The following GRXCR2 variants were observed in gnomAD, a reference collection of about 807,000 sequenced individuals.
GRXCR2 encodes the protein glutaredoxin and cysteine rich domain containing 2.
In GRXCR2, 23 loss-of-function variants were observed where a neutral mutation model predicts 24.8. The observed-to-expected ratio is 0.93, with a 90% CI of 0.67 to 1.32. The LOEUF (loss-of-function observed/expected upper bound fraction) is 1.32. Ranked by LOEUF, GRXCR2 falls within the 40% of genes most tolerant of loss-of-function variation. GRXCR2 has a pLI of 0.00. For synonymous variants in GRXCR2, 130 were observed against 116.1 expected (o/e 1.12, Z -0.77); for missense variants, 315 against 303.4 (o/e 1.04, Z -0.28).
chr5:145,882,378 C>T (rs1490657193), intron 2 of GRXCR2, among the ~76,000 whole-genome samples: 1 of 152,194 alleles, frequency 6.6e-6, no homozygotes, highest in Non-Finnish European at 1.5e-5. Flanking sequence ...ACAGACACTT[C>T]TCAAAAGAAG....
At chr5:145,876,281 CTTTTT>C (rs533734278), upstream of GRXCR2, among the ~76,000 whole-genome samples, 1 of 127,874 alleles carries the variant, frequency 7.8e-6, no homozygotes, top group Non-Finnish European at 1.7e-5. Flanking sequence ...TATTATTTTC[CTTTTT>C]TTTTTTTTGA....
intron 1 of GRXCR2, among the ~76,000 whole-genome samples, chr5:145,868,740 C>T (rs1303963537): frequency 6.6e-6 from 1 of 152,208 alleles, no homozygotes; most frequent in Non-Finnish European, 1.5e-5. Context: ...TGTTTCTGAG[C>T]TGCTCAATGT....
At chr5:145,914,716 C>T (rs1256428638) in intron 2 of GRXCR2, among the ~76,000 whole-genome samples, 2 of 141,946 alleles carry the variant, frequency 1.4e-5, no homozygotes, top group Non-Finnish European at 1.5e-5. Flanking sequence ...GATTGAGTTT[C>T]TACAATAAGC....
intron 2 of GRXCR2, among the ~76,000 whole-genome samples, chr5:145,913,570 T>A (rs1757194847): frequency 1.3e-5 from 2 of 152,344 alleles, no homozygotes; most frequent in South Asian, 4.1e-4. Context: ...ATGAAAAACT[T>A]AATACATTGC....
intron 2 of GRXCR2, among the ~76,000 whole-genome samples, chr5:145,884,598 G>A (rs958711603): frequency 1.3e-5 from 2 of 151,312 alleles, no homozygotes; most frequent in African/African-American, 4.9e-5. Context: ...ATATAATAAG[G>A]TATGCATATA....
chr5:145,919,666 A>G (rs1757296663), intron 2 of GRXCR2, among the ~76,000 whole-genome samples: 1 of 152,092 alleles, frequency 6.6e-6, no homozygotes, highest in Non-Finnish European at 1.5e-5. Flanking sequence ...ATTCAGACTG[A>G]TCATTAGGTG....
intron 2 of GRXCR2, among the ~76,000 whole-genome samples, chr5:145,913,261 T>C (rs552084790): frequency 6.6e-6 from 1 of 152,308 alleles, no homozygotes; most frequent in African/African-American, 2.4e-5. Context: ...CAACTCAGGA[T>C]AGCACATTGC....
chr5:145,898,380 A>G (rs562088315), intron 2 of GRXCR2, among the ~76,000 whole-genome samples: 1 of 152,132 alleles, frequency 6.6e-6, no homozygotes, highest in African/African-American at 2.4e-5. Context: ...CTGGCACCAC[A>G]TCAATTCTAC....
chr5:145,901,731 T>C (rs1046641452), intron 2 of GRXCR2, among the ~76,000 whole-genome samples: 1 of 152,070 alleles, frequency 6.6e-6, no homozygotes, highest in African/African-American at 2.4e-5. Flanking sequence ...GGAAGAATGT[T>C]TCAGGCAGCA....
chr5:145,914,658 C>G (rs534849592), intron 2 of GRXCR2, among the ~76,000 whole-genome samples: 2 of 112,350 alleles, frequency 1.8e-5, no homozygotes, highest in East Asian at 2.9e-4. Context: ...CCTGGGTGAT[C>G]GAACAAGACT....
At chr5:145,902,428 T>G (rs1201716981) in intron 2 of GRXCR2, among the ~76,000 whole-genome samples, 1 of 152,144 alleles carries the variant, frequency 6.6e-6, no homozygotes, top group Non-Finnish European at 1.5e-5. Flanking sequence ...TAAACTAACA[T>G]ATAGATGACC....
rs745536409 is a variant in GRXCR2, at chr5:145,866,681, G to T, written c.384C>A (p.Asn128Lys). 275 of 1,613,244 alleles carry T rather than the reference G, an allele frequency of 1.7e-4. No homozygotes were observed. Among genetic ancestry groups the T allele is most frequent in the Admixed American group, 3.8e-4 (23 of 59,996 alleles). ...DFGKIIIYTN[N>K]LKIIRTPMDK... is the part of the protein sequence containing the mutation. ...CCATTGGGGTTCGAATGATTTTCAG[G>T]TTATTAGTGTAGATGATTATCTTTC... Residue 128 changes from asparagine (N) to lysine (K), a missense_variant, in exon 2 of 3, where the codon AAC (asparagine) becomes AAA (lysine). Asn to Lys is a moderately conservative substitution (Grantham distance 94, BLOSUM62 0). Transcript: ENST00000377976.
At chr5:145,876,191 GTATATA>G (rs748811333), upstream of GRXCR2, among the ~76,000 whole-genome samples, 27 of 105,306 alleles carry the variant, frequency 2.6e-4, no homozygotes, top group African/African-American at 8.2e-4. Context: ...GTGTGTGTGT[GTATATA>G]TATATATATA....
chr5:145,870,234 C>A (rs190898605), intron 1 of GRXCR2, among the ~76,000 whole-genome samples: 113 of 152,224 alleles, frequency 7.4e-4, no homozygotes, highest in Middle Eastern at 3.4e-3. Context: ...AATGACTCTT[C>A]TTCTCCCCTG....
rs558021146 is a variant in GRXCR2, at chr5:145,889,753, G to A, written c.-69-23025C>T. ...TGGAAACTCGGAAATGACAGGTAAAGAATTCAAAGCATGGATTGCAAGAAA... is the reference window on the plus strand; with the variant it reads ...TGGAAACTCGGAAATGACAGGTAAAAAATTCAAAGCATGGATTGCAAGAAA... On this transcript the variant is annotated intron_variant, in intron 2 of 3. Transcript: ENST00000639411. Among the ~76,000 whole-genome samples the A allele has an allele frequency of 1.2e-4, 19 of 152,294 alleles. No individual in the cohort carries two copies. In the South Asian group the frequency reaches 3.5e-3, roughly 28 times the overall value.
chr5:145,918,709 T>C (rs1443976953), intron 2 of GRXCR2, among the ~76,000 whole-genome samples: 3 of 152,122 alleles, frequency 2.0e-5, no homozygotes, highest in South Asian at 4.1e-4. Context: ...TCCCACCCCA[T>C]TACTTAGGGA....
At chr5:145,928,164 A>G (rs1290982731) in intron 2 of GRXCR2, among the ~76,000 whole-genome samples, 1 of 151,932 alleles carries the variant, frequency 6.6e-6, no homozygotes, top group East Asian at 1.9e-4. Flanking sequence ...GCTCATCATC[A>G]CTGGCCATCA....
rs199705611 is a variant in GRXCR2 at position 145,872,884 on chromosome 5, C to T, written c.85G>A (p.Gly29Ser). ...VRFKISSSYS[G>S]RVLKQVFEDG... Reference sequence around the variant, plus strand: ...TCAAAGACCTGCTTCAATACTCGACCGCTGTAGGAGGAGGAGATTTTAAAT... The same window carrying T: ...TCAAAGACCTGCTTCAATACTCGACTGCTGTAGGAGGAGGAGATTTTAAAT... Residue 29 changes from glycine to serine, a missense_variant, in exon 1 of 3, where the codon GGT (glycine) becomes AGT (serine). Coordinates refer to ENST00000377976, the MANE Select transcript of GRXCR2 (RefSeq NM_001080516.2). 3.5e-5 allele frequency: 56 copies of T among 1,614,128 alleles called. No homozygotes were observed. The highest frequency in any genetic ancestry group is 2.1e-4 in the South Asian group (19 of 91,082).
chr5:145,905,667 G>A (rs1223325835), intron 2 of GRXCR2, among the ~76,000 whole-genome samples: 8 of 152,274 alleles, frequency 5.3e-5, no homozygotes, highest in Non-Finnish European at 1.0e-4. Context: ...TTGCATGGAC[G>A]GGGTAGGAGA....
Sources: gnomAD v4.1 joint callset for allele counts (sites outside exome capture counted in the v4.1 genomes callset) on GRCh38, gnomAD v4.1.1 for gene constraint, MANE v1.5 for transcripts, NCBI Gene and HGNC (gene_info 2026-07-23, HGNC 2026-07-21) for gene names.